The following IGF1R variants were observed in gnomAD, a reference collection of about 807,000 sequenced individuals.
The protein encoded by IGF1R is insulin like growth factor 1 receptor, also known as insulin-like growth factor 1 receptor.
In IGF1R, 44 loss-of-function variants were observed where a neutral mutation model predicts 144.6. That is an observed-to-expected ratio of 0.30 (90% confidence interval 0.24 to 0.39). The LOEUF (loss-of-function observed/expected upper bound fraction) is 0.39. Ranked by LOEUF, IGF1R falls within the 10% of genes least tolerant of loss-of-function variation. The pLI is 1.00. For missense variants in IGF1R, 1,355 were observed against 1,833.7 expected, an observed-to-expected ratio of 0.74 and a Z score of 4.77; for synonymous variants, 795 against 722.8, an observed-to-expected ratio of 1.10 and a Z score of -1.60.
At chr15:98,811,364 CAA>C (rs60239385) in intron 2 of IGF1R, among the ~76,000 whole-genome samples, 23 of 107,816 alleles carry the variant, frequency 2.1e-4, no homozygotes, top group Non-Finnish European at 1.8e-4. Flanking sequence ...ACTAAAAATA[CAA>C]AAAAAAAAAA....
chr15:98,772,067 C>T (rs1225415283), intron 2 of IGF1R, among the ~76,000 whole-genome samples: 2 of 152,126 alleles, frequency 1.3e-5, no homozygotes, highest in Non-Finnish European at 2.9e-5. Context: ...AGTTCTCATA[C>T]ACACACTGGC....
intron 2 of IGF1R, among the ~76,000 whole-genome samples, chr15:98,836,751 G>T (rs2057111603): frequency 6.6e-6 from 1 of 152,132 alleles, no homozygotes; most frequent in African/African-American, 2.4e-5. Context: ...CTGTAAAAAT[G>T]TGTCTATCTT....
rs45492695 is a variant in IGF1R, at chr15:98,741,372, A to G, written c.640+33265A>G. 3.8e-4 allele frequency among the ~76,000 whole-genome samples: 58 copies of G among 151,938 alleles called. No individual in the cohort carries two copies. The South Asian group carries it at 0.012, about 31-fold the overall frequency. ...AGTGGCTTTCTTTTAGGGTTAGGTA[A>G]GATACTTCCTTTTTTGGAAATAGTT... On this transcript the variant is annotated intron_variant, in intron 2 of 20. Coordinates refer to ENST00000650285, the MANE Select transcript of IGF1R (RefSeq NM_000875.5).
rs566074606 is a variant in IGF1R, at chr15:98,857,845, A to T, written c.641-33480A>T. Reference sequence around the variant, plus strand: ...AATATGTGTTTATTTTGATAAGGATAACTGAGACCTGTACATTCCATTTTT... The same window carrying T: ...AATATGTGTTTATTTTGATAAGGATTACTGAGACCTGTACATTCCATTTTT... On this transcript the variant is annotated intron_variant, in intron 2 of 20. Coordinates refer to ENST00000650285, the MANE Select transcript of IGF1R (RefSeq NM_000875.5). Among the ~76,000 whole-genome samples, 7 of 152,380 alleles carry T rather than the reference A, an allele frequency of 4.6e-5. No individual in the cohort carries two copies. The South Asian group carries it at 1.0e-3, about 23-fold the overall frequency.
intron 1 of IGF1R, among the ~76,000 whole-genome samples, chr15:98,689,135 T>C (rs1456947047): frequency 6.6e-6 from 1 of 152,160 alleles, no homozygotes; most frequent in East Asian, 1.9e-4. Flanking sequence ...CATTGTGCTG[T>C]TTTCCCACTC....
intron 2 of IGF1R, among the ~76,000 whole-genome samples, chr15:98,746,796 A>C (rs1303828238): frequency 5.3e-5 from 8 of 152,162 alleles, no homozygotes; most frequent in Admixed American, 1.3e-4. Context: ...CCCCAGGTGC[A>C]TGTGGTAAAG....
chr15:98,777,418 G>A (rs1458275855), intron 2 of IGF1R, among the ~76,000 whole-genome samples: 2 of 152,242 alleles, frequency 1.3e-5, no homozygotes, highest in African/African-American at 2.4e-5. Context: ...CTGAGAGGGA[G>A]GTGGTGAGGG....
chr15:98,867,154 GGAGAGAGA>G (rs60863950), intron 2 of IGF1R, among the ~76,000 whole-genome samples: 16,899 of 146,150 alleles, frequency 0.12, 1,248 homozygotes, highest in East Asian at 0.37. Flanking sequence ...AGAGAAAGGG[GGAGAGAGA>G]GAGAGAGAGA....
At chr15:98,883,894 A>G (rs2141636950) in intron 2 of IGF1R, among the ~76,000 whole-genome samples, 1 of 152,280 alleles carries the variant, frequency 6.6e-6, no homozygotes, top group Admixed American at 6.5e-5. Flanking sequence ...TGAAGACCAG[A>G]CAGAAGGCAG....
intron 1 of IGF1R, among the ~76,000 whole-genome samples, chr15:98,666,739 G>A (rs1181600597): frequency 6.6e-6 from 1 of 152,148 alleles, no homozygotes; most frequent in South Asian, 2.1e-4. Context: ...ATAGAGGCTG[G>A]GGGGAGGGAG....
intron 2 of IGF1R, among the ~76,000 whole-genome samples, chr15:98,793,727 C>A (rs560351688): frequency 1.3e-5 from 2 of 152,302 alleles, no homozygotes; most frequent in East Asian, 3.9e-4. Flanking sequence ...AAATCCCTTT[C>A]ACTGTTTTGA....
intron 2 of IGF1R, among the ~76,000 whole-genome samples, chr15:98,823,419 C>T (rs1455013860): frequency 6.6e-6 from 1 of 152,256 alleles, no homozygotes; most frequent in Non-Finnish European, 1.5e-5. Context: ...CACCAATCAG[C>T]AGCAGACTGC....
chr15:98,718,276 T>G (rs961699933), intron 2 of IGF1R, among the ~76,000 whole-genome samples: 3 of 152,236 alleles, frequency 2.0e-5, no homozygotes, highest in African/African-American at 7.2e-5. Context: ...CTGCCATTTT[T>G]CCCAGAATCC....
chr15:98,942,739 A>T (rs776974110), intron 18 of IGF1R, among the ~76,000 whole-genome samples, 184 bp from the exon 19 acceptor site: 1 of 152,214 alleles, frequency 6.6e-6, no homozygotes, highest in Non-Finnish European at 1.5e-5. Flanking sequence ...TCATCATGTG[A>T]TTAATCATCC....
intron 2 of IGF1R, among the ~76,000 whole-genome samples, chr15:98,746,126 A>G (rs1019686118): frequency 1.3e-5 from 2 of 152,174 alleles, no homozygotes; most frequent in Non-Finnish European, 2.9e-5. Context: ...TCTTTTTTGT[A>G]AAGTTAAGGA....
At chr15:98,699,958 G>C (rs1233816463) in intron 1 of IGF1R, among the ~76,000 whole-genome samples, 1 of 152,188 alleles carries the variant, frequency 6.6e-6, no homozygotes, top group African/African-American at 2.4e-5. Flanking sequence ...ATTGCTGTCT[G>C]TGTGAAATGG....
intron 3 of IGF1R, among the ~76,000 whole-genome samples, chr15:98,895,049 C>A (rs527890840): frequency 6.7e-6 from 1 of 148,666 alleles, no homozygotes; most frequent in East Asian, 2.0e-4. Flanking sequence ...AGATTGTAGA[C>A]ATGGAAAACA....
intron 20 of IGF1R, chr15:98,954,526 A>G (rs1224044409): frequency 3.3e-5 from 5 of 152,250 alleles, no homozygotes; most frequent in Non-Finnish European, 7.3e-5. Context: ...CAGAGCAAAA[A>G]AGACTTCCTT....
At chr15:98,945,872 A>G (rs1051390253) in intron 19 of IGF1R, among the ~76,000 whole-genome samples, 3 of 152,080 alleles carry the variant, frequency 2.0e-5, no homozygotes, top group Non-Finnish European at 4.4e-5. Context: ...TTGACCTCAG[A>G]CAAGAGTTGC....
Sources: gnomAD v4.1 joint callset for allele counts (sites outside exome capture counted in the v4.1 genomes callset) on GRCh38, gnomAD v4.1.1 for gene constraint, MANE v1.5 for transcripts, NCBI Gene and HGNC (gene_info 2026-07-23, HGNC 2026-07-21) for gene names.